RARRES1: variants seen among roughly 807,000 people sequenced by gnomAD.
RARRES1 encodes the protein retinoic acid receptor responder 1, also known as retinoic acid receptor responder protein 1.
Under a neutral mutation model 30.6 loss-of-function variants are expected in RARRES1, and 34 were observed. The observed-to-expected ratio is 1.11, with a 90% CI of 0.84 to 1.48. RARRES1 has a LOEUF of 1.48. Ranked by LOEUF, RARRES1 falls within the 40% of genes most tolerant of loss-of-function variation. RARRES1 has a pLI of 0.00. For synonymous variants in RARRES1, 153 were observed against 155.5 expected (o/e 0.98, Z 0.12); for missense variants, 373 against 386.5 (o/e 0.97, Z 0.29).
chr3:158,726,078 G>T (rs1468677904), intron 1 of RARRES1, among the ~76,000 whole-genome samples: 1 of 152,148 alleles, frequency 6.6e-6, no homozygotes, highest in Non-Finnish European at 1.5e-5. Flanking sequence ...TGAAAATTAA[G>T]ACTAGTTCAC....
At chr3:158,702,439 C>T (rs776755082) in intron 4 of RARRES1, among the ~76,000 whole-genome samples, 16 of 152,094 alleles carry the variant, frequency 1.1e-4, no homozygotes, top group Admixed American at 2.0e-4. Flanking sequence ...ACATGAAAGA[C>T]GGGTTAGAAT....
intron 1 of RARRES1, among the ~76,000 whole-genome samples, chr3:158,718,829 A>C (rs1397202871): frequency 6.6e-6 from 1 of 152,186 alleles, no homozygotes; most frequent in African/African-American, 2.4e-5. Flanking sequence ...ACATGGTGTA[A>C]AGCTAATCCA....
chr3:158,713,756 G>C, intron 2 of RARRES1, 41 bp downstream of exon 2: 3 of 1,552,320 alleles, frequency 1.9e-6, no homozygotes, highest in Non-Finnish European at 2.7e-6. Flanking sequence ...CATATTTATA[G>C]CAGTTGCTAA....
At chr3:158,730,405 TTCCTTCCTTC>T (rs1392661214) in intron 1 of RARRES1, among the ~76,000 whole-genome samples, 7 of 148,814 alleles carry the variant, frequency 4.7e-5, no homozygotes, top group South Asian at 2.2e-4. Flanking sequence ...CCTTCCTTCC[TTCCTTCCTTC>T]CTCTCTCTCT....
intron 1 of RARRES1, among the ~76,000 whole-genome samples, chr3:158,720,207 A>AAT (rs1287958108): frequency 6.6e-6 from 1 of 150,594 alleles, no homozygotes; most frequent in Non-Finnish European, 1.5e-5. Context: ...CCTCTCTAAG[A>AAT]AAAGGAAGAA....
chr3:158,713,986 T>A, intron 1 of RARRES1, 127 bp from the exon 2 acceptor site: 1 of 838,972 alleles, frequency 1.2e-6, no homozygotes, highest in Non-Finnish European at 1.9e-6. Context: ...TGAATAAAAT[T>A]GGTGATGGCT....
At position 158,732,347 on chromosome 3, in the gene RARRES1, CGGGGCGGT is replaced by C. The variant is rs1559878847; in HGVS notation, c.61_68del (p.Thr21AlafsTer71). The C allele has an allele frequency of 7.0e-7, 1 of 1,423,364 alleles. No individual in the cohort carries two copies. The highest frequency in any genetic ancestry group is 9.1e-7 in the Non-Finnish European group (1 of 1,096,464). The allele number at this position is 1,423,364 out of a possible 1,614,324, so 88.2% of individuals were successfully genotyped here. A position where few individuals can be genotyped will look rare whatever the true frequency, so the allele number is the denominator to read the frequency against. Reference sequence around the variant, plus strand: ...CGAGCAACAGCAGCAGCGCGAGCAGCGGGGCGGTGGGGCGCGGGCCCCTGGGCCCGGAC... The same window carrying C: ...CGAGCAACAGCAGCAGCGCGAGCAGCGGGGCGCGGGCCCCTGGGCCCGGAC... On this transcript the variant is annotated frameshift_variant, in exon 1 of 6. Coordinates refer to ENST00000237696, the MANE Select transcript of RARRES1 (RefSeq NM_206963.2). LOFTEE classifies it high-confidence loss of function.
At chr3:158,719,758 C>G (rs896466091) in intron 1 of RARRES1, among the ~76,000 whole-genome samples, 1 of 152,126 alleles carries the variant, frequency 6.6e-6, no homozygotes, top group African/African-American at 2.4e-5. Flanking sequence ...TGGAGGGAAA[C>G]AGGCCACTTT....
At chr3:158,706,503 G>C (rs1180591487) in intron 3 of RARRES1, among the ~76,000 whole-genome samples, 1 of 152,170 alleles carries the variant, frequency 6.6e-6, no homozygotes, top group Non-Finnish European at 1.5e-5. Context: ...ATTTTGAAAG[G>C]CCTTGTTTCC....
rs369613039 is a variant in RARRES1 at position 158,699,442 on chromosome 3, C to T, written c.673-1472G>A. Among the ~76,000 whole-genome samples, 1,013 of 150,944 alleles carry T rather than the reference C, an allele frequency of 6.7e-3. 11 individuals are homozygous for T. The highest frequency in any genetic ancestry group is 8.9e-3 in the Non-Finnish European group (605 of 67,722). Reference sequence around the variant, plus strand: ...AAGAATACAAAAAAGCAACCCCCCCCCCACCAAAAAAGTTTAGACTCCCCT... The same window carrying T: ...AAGAATACAAAAAAGCAACCCCCCCTCCACCAAAAAAGTTTAGACTCCCCT... On this transcript the variant is annotated intron_variant, in intron 4 of 5. Coordinates refer to ENST00000237696, the MANE Select transcript of RARRES1 (RefSeq NM_206963.2).
At chr3:158,720,273 T>TGTGTGTGTGTGTGTGA (rs1160861397) in intron 1 of RARRES1, among the ~76,000 whole-genome samples, 4 of 144,444 alleles carry the variant, frequency 2.8e-5, no homozygotes, top group African/African-American at 7.7e-5. Flanking sequence ...TGTATGTGTG[T>TGTGTGTGTGTGTGTGA]GAGAGAGAGA....
intron 1 of RARRES1, among the ~76,000 whole-genome samples, chr3:158,730,782 A>T (rs1727858742): frequency 7.3e-6 from 1 of 136,200 alleles, no homozygotes; most frequent in Non-Finnish European, 1.6e-5. Flanking sequence ...ATTTTATTTT[A>T]TTTTATTTAT....
intron 4 of RARRES1, among the ~76,000 whole-genome samples, chr3:158,699,048 G>T (rs561714213): frequency 6.7e-6 from 1 of 148,442 alleles, no homozygotes; most frequent in East Asian, 2.0e-4. Flanking sequence ...ACCTCAGTTA[G>T]GCCCATGAGG....
chr3:158,715,443 G>A (rs968677283), intron 1 of RARRES1, among the ~76,000 whole-genome samples: 1 of 152,156 alleles, frequency 6.6e-6, no homozygotes, highest in Non-Finnish European at 1.5e-5. Flanking sequence ...GAGAAAAGGT[G>A]TCTGGGGAGG....
At chr3:158,712,910 A>C (rs73156500) in intron 2 of RARRES1, among the ~76,000 whole-genome samples, 3,417 of 152,368 alleles carry the variant, frequency 0.022, 59 homozygotes, top group Middle Eastern at 0.051. Context: ...TTCAGTTTGC[A>C]ACACTAACAA....
intron 3 of RARRES1, among the ~76,000 whole-genome samples, chr3:158,710,492 G>A (rs899807972): frequency 6.6e-6 from 1 of 152,190 alleles, no homozygotes; most frequent in African/African-American, 2.4e-5. Flanking sequence ...ACAGGCATGA[G>A]CCACCGCGCC....
intron 1 of RARRES1, among the ~76,000 whole-genome samples, chr3:158,725,315 TG>T (rs1226001699): frequency 6.6e-6 from 1 of 152,220 alleles, no homozygotes; most frequent in African/African-American, 2.4e-5. Flanking sequence ...CATACATCTC[TG>T]GGGCGATACA....
chr3:158,719,190 G>A (rs1727419087), intron 1 of RARRES1, among the ~76,000 whole-genome samples: 1 of 151,720 alleles, frequency 6.6e-6, no homozygotes, highest in Non-Finnish European at 1.5e-5. Context: ...AAAAAATTAT[G>A]TATAAAAGAC....
At chr3:158,724,211 A>G (rs1727603415) in intron 1 of RARRES1, among the ~76,000 whole-genome samples, 1 of 152,192 alleles carries the variant, frequency 6.6e-6, no homozygotes, top group Admixed American at 6.5e-5. Flanking sequence ...TGTCGGGCAG[A>G]ATGGTAAATA....
Sources: gnomAD v4.1 joint callset for allele counts (sites outside exome capture counted in the v4.1 genomes callset) on GRCh38, gnomAD v4.1.1 for gene constraint, MANE v1.5 for transcripts, NCBI Gene and HGNC (gene_info 2026-07-23, HGNC 2026-07-21) for gene names.